RGP1: variants seen among roughly 807,000 people sequenced by gnomAD.
RGP1 encodes the protein RAB6A-GEF complex partner protein 2.
In RGP1, 28 loss-of-function variants were observed where a neutral mutation model predicts 44.5. The observed-to-expected ratio is 0.63, with a 90% CI of 0.47 to 0.86. The LOEUF (loss-of-function observed/expected upper bound fraction) is 0.86. Ranked by LOEUF, RGP1 falls within the 40% of genes least tolerant of loss-of-function variation. RGP1 has a pLI of 0.00. For missense variants in RGP1, 417 were observed against 490.7 expected, an observed-to-expected ratio of 0.85 and a Z score of 1.42; for synonymous variants, 212 against 196.7, an observed-to-expected ratio of 1.08 and a Z score of -0.65.
At chr9:35,777,152 CAG>C in the RGP1 span, among the ~76,000 whole-genome samples, 2 of 98,044 alleles carry the variant, frequency 2.0e-5, no homozygotes, top group African/African-American at 8.2e-5. Flanking sequence ...TTTTTTGAGA[CAG>C]AGTCTTGCTC....
the RGP1 span, among the ~76,000 whole-genome samples, chr9:35,781,993 T>G: frequency 3.9e-4 from 57 of 146,364 alleles, 2 homozygotes; most frequent in African/African-American, 1.4e-3. Context: ...GTTTTTTTTT[T>G]TTTTTTTTTT....
the RGP1 span, among the ~76,000 whole-genome samples, chr9:35,786,391 A>G: frequency 6.6e-6 from 1 of 152,218 alleles, no homozygotes; most frequent in East Asian, 1.9e-4. Context: ...AGGGTGGTAA[A>G]TAACTACTGG....
the RGP1 span, among the ~76,000 whole-genome samples, chr9:35,763,881 CAAAAAAAAAAAAAAA>C: frequency 3.7e-5 from 3 of 81,988 alleles, no homozygotes; most frequent in African/African-American, 1.7e-4. Context: ...GACTCCATCT[CAAAAAAAAAAAAAAA>C]AAAAGAAAAG....
At chr9:35,750,172 G>T in intron 2 of RGP1, 71 bp from the exon 3 acceptor site, 1 of 1,557,814 alleles carries the variant, frequency 6.4e-7, no homozygotes, top group South Asian at 1.2e-5. Context: ...AAGATGGTGT[G>T]ATAGGGAGCT....
chr9:35,780,937 A>G, the RGP1 span, among the ~76,000 whole-genome samples: 2 of 152,166 alleles, frequency 1.3e-5, no homozygotes, highest in Non-Finnish European at 1.5e-5. Context: ...CCCTTCATCC[A>G]TACTCATATA....
At chr9:35,785,600 G>A in the RGP1 span, among the ~76,000 whole-genome samples, 1 of 152,136 alleles carries the variant, frequency 6.6e-6, no homozygotes, top group South Asian at 2.1e-4. Flanking sequence ...TGAACACATC[G>A]TGGAGGCTGG....
chr9:35,775,815 C>T, the RGP1 span, among the ~76,000 whole-genome samples: 1 of 152,180 alleles, frequency 6.6e-6, no homozygotes, highest in Non-Finnish European at 1.5e-5. Context: ...AATATGGTCC[C>T]AAACTGCTGA....
rs774290719 is a variant in RGP1 at position 35,750,836 on chromosome 9, C to G, written c.338-4C>G. 3 of 1,613,938 alleles carry G rather than the reference C, an allele frequency of 1.9e-6. No individual in the cohort carries two copies. Among genetic ancestry groups the G allele is most frequent in the Non-Finnish European group, 2.5e-6 (3 of 1,179,846 alleles). Reference sequence around the variant, plus strand: ...GGCTGTCCTGACAACTACTTCCCAACCAGACTCCTACAGTGAAGTGCTGCC... The same window carrying G: ...GGCTGTCCTGACAACTACTTCCCAAGCAGACTCCTACAGTGAAGTGCTGCC... On this transcript the variant is annotated splice_region_variant and splice_polypyrimidine_tract_variant and intron_variant, in intron 4 of 8. Transcript: ENST00000378078.
At chr9:35,772,924 A>G in the RGP1 span, among the ~76,000 whole-genome samples, 1 of 152,208 alleles carries the variant, frequency 6.6e-6, no homozygotes, top group African/African-American at 2.4e-5. Context: ...ATAAACAAAT[A>G]TGCTGGTAAT....
At position 35,751,116 on chromosome 9, in the gene RGP1, G is replaced by A. The variant is rs1827253014; in HGVS notation, c.487+127G>A. 2.1e-6 allele frequency: 3 copies of A among 1,453,084 alleles called. No homozygotes were observed. The East Asian group carries it at 6.8e-5, about 33-fold the overall frequency. 90.0% of individuals were successfully genotyped at this position (1,453,084 alleles called of 1,614,324 possible). A position where few individuals can be genotyped will look rare whatever the true frequency, so the allele number is the denominator to read the frequency against. Reference sequence around the variant, plus strand: ...CTCAGTGACAGTGCTAGGGAGTTGGGAAGGGAGGGAGGGTTCTGGAGATAG... The same window carrying A: ...CTCAGTGACAGTGCTAGGGAGTTGGAAAGGGAGGGAGGGTTCTGGAGATAG... On this transcript the variant is annotated intron_variant, in intron 5 of 8. Coordinates refer to ENST00000378078, the MANE Select transcript of RGP1 (RefSeq NM_001080496.3).
At chr9:35,773,056 C>A in the RGP1 span, among the ~76,000 whole-genome samples, 1 of 152,150 alleles carries the variant, frequency 6.6e-6, no homozygotes. Flanking sequence ...CTTAAAAAAA[C>A]CCATATATAG....
At chr9:35,775,070 A>G in the RGP1 span, among the ~76,000 whole-genome samples, 1 of 151,846 alleles carries the variant, frequency 6.6e-6, no homozygotes, top group Non-Finnish European at 1.5e-5. Flanking sequence ...CCTCTATATT[A>G]CTCCATCTGG....
chr9:35,754,144 C>A lies in RGP1; in HGVS notation c.*1270C>A. 6.2e-7 allele frequency: 1 copy of A among 1,605,204 alleles called. No homozygotes were observed. The highest frequency in any genetic ancestry group is 8.5e-7 in the Non-Finnish European group (1 of 1,174,744). On this transcript the variant is annotated 3_prime_UTR_variant, in exon 9 of 9. Coordinates refer to ENST00000378078, the MANE Select transcript of RGP1 (RefSeq NM_001080496.3). The stretch of plus-strand genomic sequence containing the variant: ...CTTAGGGCCATTGCTGCTGCACAGC[C>A]CTCTCAGACCCTTCTTGGCCTCTGC...
the RGP1 span, among the ~76,000 whole-genome samples, chr9:35,785,957 GTTC>G: frequency 2.0e-5 from 3 of 151,864 alleles, no homozygotes; most frequent in African/African-American, 4.8e-5. Flanking sequence ...CCTCTTCACG[GTTC>G]TTCTTGCTTT....
chr9:35,752,184 C>G (rs747908749), intron 8 of RGP1, 39 bp downstream of exon 8: 1 of 1,504,998 alleles, frequency 6.6e-7, no homozygotes, highest in Non-Finnish European at 8.9e-7. Flanking sequence ...GAGAGGGGGA[C>G]AGTAAAATGC....
At chr9:35,750,636 T>G in intron 3 of RGP1, 22 bp from the exon 4 acceptor site, 1 of 1,611,374 alleles carries the variant, frequency 6.2e-7, no homozygotes, top group African/African-American at 1.3e-5. Context: ...GTCATTAAAT[T>G]AGTCATTTTT....
Position 35,749,552 on chromosome 9 carries a change from T to C in RGP1, c.-20+144T>C. 7.4e-6 allele frequency: 5 copies of C among 674,402 alleles called. No homozygotes were observed. Among genetic ancestry groups the C allele is most frequent in the South Asian group, 1.5e-5 (1 of 64,600 alleles). 41.8% of individuals were successfully genotyped at this position (674,402 alleles called of 1,614,324 possible). ...GGGTCTAGGGCCCAGAGCGATGTCC[T>C]CCCCCTGGGCAGTACTGAGTCTTCA... On this transcript the variant is annotated intron_variant, in intron 1 of 8. Transcript: ENST00000378078. This position sits in a 1 kb window ranked among gnomAD's most constrained non-coding sequence, Gnocchi z 4.4.
In RGP1 at chr9:35,751,661, T is replaced by C. The variant is rs746252750; in HGVS notation, c.669T>C (p.Val223=). ...ATATCAGTGATGGCCGAGGGAAAGT[T>C]GGGACGTTTGGCATCTTCAAATCTG... The part of the protein sequence containing the change: ...LYNISDGRGK[V]GTFGIFKSVY... The change falls in exon 7 of 9, where the codon GTT becomes GTC. Residue 223 remains valine, a synonymous_variant. Coordinates refer to ENST00000378078, the MANE Select transcript of RGP1 (RefSeq NM_001080496.3). 1.9e-6 allele frequency: 3 copies of C among 1,613,958 alleles called. No individual in the cohort carries two copies. Among genetic ancestry groups the C allele is most frequent in the Non-Finnish European group, 2.5e-6 (3 of 1,179,874 alleles).
the RGP1 span, among the ~76,000 whole-genome samples, chr9:35,781,679 T>G: frequency 6.6e-6 from 1 of 152,148 alleles, no homozygotes; most frequent in Non-Finnish European, 1.5e-5. Context: ...TTAGATATCC[T>G]GAGTTCTGCA....
Sources: gnomAD v4.1 joint callset for allele counts (sites outside exome capture counted in the v4.1 genomes callset) on GRCh38, gnomAD v4.1.1 for gene constraint, Gnocchi (gnomAD v3.1) non-coding constraint, MANE v1.5 for transcripts, NCBI Gene and HGNC (gene_info 2026-07-23, HGNC 2026-07-21) for gene names.